SLC26A9: variants seen among roughly 807,000 people sequenced by gnomAD.
The protein encoded by SLC26A9 is solute carrier family 26 member 9.
Under a neutral mutation model 87.1 loss-of-function variants are expected in SLC26A9, and 46 were observed. The observed-to-expected ratio is 0.53, with a 90% CI of 0.42 to 0.67. SLC26A9 has a LOEUF of 0.67. SLC26A9 is among the 30% of genes least tolerant of loss of function. SLC26A9 has a pLI of 0.00. For missense variants in SLC26A9, 927 were observed against 1,018.3 expected, an observed-to-expected ratio of 0.91 and a Z score of 1.22; for synonymous variants, 437 against 409.1, an observed-to-expected ratio of 1.07 and a Z score of -0.82.
rs1487536277 is a variant in SLC26A9, at chr1:205,921,610, C to T, written c.2011G>A (p.Gly671Arg). The T allele has an allele frequency of 6.2e-7, 1 of 1,611,760 alleles. No homozygotes were observed. Among genetic ancestry groups the T allele is most frequent in the African/African-American group, 1.3e-5 (1 of 75,008 alleles). Residue 671 changes from glycine (G) to arginine (R), a missense_variant, in exon 17 of 21, where the codon GGA becomes AGA. Transcript: ENST00000367135. The part of the protein sequence containing the change: ...TFHTLILDMS[G>R]VSFVDLMGIK... ...CCCATCAAGTCCACGAAGCTGACTC[C>T]ACTCATGTCCAGGATGAGGGTGTGG...
chr1:205,930,698 G>C (rs543259238), intron 5 of SLC26A9, among the ~76,000 whole-genome samples: 2 of 152,114 alleles, frequency 1.3e-5, no homozygotes, highest in Non-Finnish European at 2.9e-5. Context: ...CTACCCTCCA[G>C]CCACACCAAG....
Position 205,927,530 on chromosome 1 carries a change from CAGAA to C in SLC26A9, c.1173_1176del (p.Val393LeufsTer22). Reference sequence around the variant, plus strand: ...CCAGCTCCATCCACAGCCAGAGTGACAGAAAGCGCACAGCAAATGACATGAATTT... The same window carrying C: ...CCAGCTCCATCCACAGCCAGAGTGACAGCGCACAGCAAATGACATGAATTT... On this transcript the variant is annotated frameshift_variant, in exon 10 of 21. Transcript: ENST00000367135. LOFTEE classifies it high-confidence loss of function. 1 of 1,614,120 alleles carries C rather than the reference CAGAA, an allele frequency of 6.2e-7. No individual in the cohort carries two copies. The highest frequency in any genetic ancestry group is 8.5e-7 in the Non-Finnish European group (1 of 1,180,020).
At chr1:205,922,501 T>C (rs1244516636) in intron 16 of SLC26A9, among the ~76,000 whole-genome samples, 1 of 152,200 alleles carries the variant, frequency 6.6e-6, no homozygotes. Flanking sequence ...GTTCCCCCTC[T>C]GGGTTGTTCA....
intron 1 of SLC26A9, 39 bp from the exon 2 acceptor site, chr1:205,935,877 C>T: frequency 1.3e-6 from 2 of 1,580,054 alleles, no homozygotes; most frequent in Non-Finnish European, 1.7e-6. Flanking sequence ...GAGGGAACAT[C>T]CCTCCCTAGT....
In SLC26A9 at chr1:205,932,135, A is replaced by G. The variant is rs1007114811; in HGVS notation, c.377-100T>C. On this transcript the variant is annotated intron_variant, in intron 4 of 20. Coordinates refer to ENST00000367135, the MANE Select transcript of SLC26A9 (RefSeq NM_052934.4). ...ATGCTTCCCGACCCCAGGGGGATGGATCCCTGCACCTCCAAGGCTCTTCTC... is the reference window on the plus strand; with the variant it reads ...ATGCTTCCCGACCCCAGGGGGATGGGTCCCTGCACCTCCAAGGCTCTTCTC... The G allele has an allele frequency of 5.6e-5, 78 of 1,387,496 alleles. 1 individual carries two copies. The highest frequency in any genetic ancestry group is 2.0e-4 in the Middle Eastern group (1 of 4,938). 85.9% of individuals were successfully genotyped at this position (1,387,496 alleles called of 1,614,324 possible). A position where few individuals can be genotyped will look rare whatever the true frequency, so the allele number is the denominator to read the frequency against.
At position 205,931,465 on chromosome 1, in the gene SLC26A9, GTTTTT is replaced by G. The variant is rs34820138; in HGVS notation, c.552+390_552+394del. Among the ~76,000 whole-genome samples the G allele has an allele frequency of 7.3e-5, 7 of 95,986 alleles. No homozygotes were observed. In the East Asian group the frequency reaches 1.5e-3, roughly 20 times the overall value. 63.0% of individuals were successfully genotyped at this position (95,986 alleles called of 152,430 possible). A position where few individuals can be genotyped will look rare whatever the true frequency, so the allele number is the denominator to read the frequency against. On this transcript the variant is annotated intron_variant, in intron 5 of 20. Coordinates refer to ENST00000367135, the MANE Select transcript of SLC26A9 (RefSeq NM_052934.4). ...GAGGGAGGAGGTGAGCCCTAACTTGGTTTTTTTTTTTTTTTTTTTGAGACGGAGTC... is the reference window on the plus strand; with the variant it reads ...GAGGGAGGAGGTGAGCCCTAACTTGGTTTTTTTTTTTTTTGAGACGGAGTC...
At chr1:205,915,906 A>G (rs1042251902) in intron 20 of SLC26A9, among the ~76,000 whole-genome samples, 3 of 152,188 alleles carry the variant, frequency 2.0e-5, no homozygotes, top group Admixed American at 6.5e-5. Flanking sequence ...AGACGGATTC[A>G]GAGCACCATG....
rs373778412 is a variant in SLC26A9, at chr1:205,923,545, C to T, written c.1565G>A (p.Arg522Lys). 5.0e-6 allele frequency: 8 copies of T among 1,614,052 alleles called. No homozygotes were observed. In the African/African-American group the frequency reaches 8.0e-5, roughly 16 times the overall value. ...DIYVNPKTYN[R>K]AQDIQGIKII... ...AGGTCATAAGCTTGAATTACCTACCCTATTATAGGTCTTGGGATTCACATA... is the reference window on the plus strand; with the variant it reads ...AGGTCATAAGCTTGAATTACCTACCTTATTATAGGTCTTGGGATTCACATA... Residue 522 changes from arginine (R) to lysine (K), a missense_variant and splice_region_variant, in exon 14 of 21, where the codon AGG becomes AAG. Coordinates refer to ENST00000367135, the MANE Select transcript of SLC26A9 (RefSeq NM_052934.4).
In SLC26A9 at chr1:205,932,603, C is replaced by T. The variant is rs1345704937; in HGVS notation, c.376+99G>A. The T allele has an allele frequency of 3.0e-6, 3 of 1,008,528 alleles. No homozygotes were observed. The African/African-American group carries it at 4.9e-5, about 16-fold the overall frequency. The allele number at this position is 1,008,528 out of a possible 1,614,324, so 62.5% of individuals were successfully genotyped here. On this transcript the variant is annotated intron_variant, in intron 4 of 20. Coordinates refer to ENST00000367135, the MANE Select transcript of SLC26A9 (RefSeq NM_052934.4). ...CCCTAGGACTGACCAGGAACAACTC[C>T]AGGAGAATGCAGATGGAAAATCTCC...
In SLC26A9 at chr1:205,932,749, G is replaced by T. The variant is rs1309266627; in HGVS notation, c.329C>A (p.Pro110His). ...AVNGLYSSFFPLLTYFFLGGV... is the reference protein window; with the variant it reads ...AVNGLYSSFFHLLTYFFLGGV... ...CCCCAGGAAGAAGTAGGTCAGGAGG[G>T]GGAAGAAGGAGGAGTAGAGGCCATT... Residue 110 changes from proline (P) to histidine (H), a missense_variant, in exon 4 of 21, where the codon CCC becomes CAC. Pro to His is a moderately conservative substitution (Grantham distance 77). Coordinates refer to ENST00000367135, the MANE Select transcript of SLC26A9 (RefSeq NM_052934.4). 1.3e-6 allele frequency: 2 copies of T among 1,598,452 alleles called. No individual in the cohort carries two copies. Among genetic ancestry groups the T allele is most frequent in the Non-Finnish European group, 1.7e-6 (2 of 1,172,764 alleles).
intron 7 of SLC26A9, 73 bp from the exon 8 acceptor site, chr1:205,928,982 C>G (rs1659194609): frequency 6.4e-7 from 1 of 1,571,546 alleles, no homozygotes; most frequent in Non-Finnish European, 8.7e-7. Context: ...CTCAAGTCTC[C>G]CTTTTCTCTG....
At chr1:205,939,749 A>G (rs1263866772) in intron 1 of SLC26A9, among the ~76,000 whole-genome samples, 1 of 152,152 alleles carries the variant, frequency 6.6e-6, no homozygotes, top group Non-Finnish European at 1.5e-5. Context: ...CAGATGCTAC[A>G]TTAGGGGCAG....
chr1:205,930,817 C>T (rs1023051215), intron 5 of SLC26A9, among the ~76,000 whole-genome samples: 1 of 152,220 alleles, frequency 6.6e-6, no homozygotes, highest in African/African-American at 2.4e-5. Flanking sequence ...GTTAAGTTCT[C>T]ATCCTTTAAG....
chr1:205,920,723 C>G (rs1187939638), intron 17 of SLC26A9, among the ~76,000 whole-genome samples: 5 of 152,234 alleles, frequency 3.3e-5, no homozygotes, highest in Non-Finnish European at 7.3e-5. Context: ...TGGTCTTGAA[C>G]TCCTGACCTT....
At chr1:205,934,669 C>T (rs935024986) in intron 2 of SLC26A9, among the ~76,000 whole-genome samples, 12 of 152,210 alleles carry the variant, frequency 7.9e-5, no homozygotes, top group Non-Finnish European at 1.6e-4. Flanking sequence ...TGTTAGTTTG[C>T]TATATCCCTT....
Position 205,914,421 on chromosome 1 carries a change from C to T in SLC26A9, c.*936G>A, listed in dbSNP as rs1040922729. The T allele has an allele frequency of 3.7e-5, 6 of 160,778 alleles. No homozygotes were observed. The highest frequency in any genetic ancestry group is 1.8e-4 in the East Asian group (1 of 5,590). The allele number at this position is 160,778 out of a possible 1,614,324, so 10.0% of individuals were successfully genotyped here. On this transcript the variant is annotated 3_prime_UTR_variant, in exon 21 of 21. Transcript: ENST00000367135. Reference sequence around the variant, plus strand: ...GGACTGTCTGGGCCCAGGTCCCATCCGTTTTCCCTGTGTTGGTACTAGCAC... The same window carrying T: ...GGACTGTCTGGGCCCAGGTCCCATCTGTTTTCCCTGTGTTGGTACTAGCAC...
intron 8 of SLC26A9, 161 bp from the exon 9 acceptor site, chr1:205,928,210 G>A (rs1427297432): frequency 8.6e-6 from 7 of 814,516 alleles, no homozygotes; most frequent in Non-Finnish European, 1.3e-5. Context: ...ACCCCATAGG[G>A]TAGGGACCAT....
Position 205,920,180 on chromosome 1 carries a change from G to A in SLC26A9, c.2106C>T (p.Ile702=), listed in dbSNP as rs1558119559. ...TAAATGTCCTCTTTCTCTTACCATG[G>A]ATGTTCACCAAGAAGACCTTCACGC... ...KIGVKVFLVN[I]HAQVYNDISH... Residue 702 remains isoleucine, a synonymous_variant, in exon 18 of 21, where the codon ATC becomes ATT. Transcript: ENST00000367135. 1.2e-6 allele frequency: 2 copies of A among 1,613,924 alleles called. No homozygotes were observed. The highest frequency in any genetic ancestry group is 1.7e-6 in the Non-Finnish European group (2 of 1,179,848).
intron 12 of SLC26A9, among the ~76,000 whole-genome samples, chr1:205,925,358 C>T (rs573557965): frequency 8.9e-4 from 135 of 152,158 alleles, no homozygotes; most frequent in African/African-American, 3.0e-3. Context: ...TGATAGTTGC[C>T]CCCTATAGAT....
Sources: gnomAD v4.1 joint callset for allele counts (sites outside exome capture counted in the v4.1 genomes callset) on GRCh38, gnomAD v4.1.1 for gene constraint, MANE v1.5 for transcripts, NCBI Gene and HGNC (gene_info 2026-07-23, HGNC 2026-07-21) for gene names.